The following PCDH11X variants were observed in gnomAD, a reference collection of about 807,000 sequenced individuals.
The protein encoded by PCDH11X is protocadherin-11 X-linked.
A neutral mutation model predicts 53.3 loss-of-function variants in PCDH11X; 18 were observed. The ratio of observed to expected loss-of-function variants is 0.34; its 90% confidence interval spans 0.23 to 0.50. PCDH11X has a LOEUF of 0.50. Among genes scored for constraint, PCDH11X ranks in the 20% least tolerant of loss-of-function variants. The pLI is 0.98. For synonymous variants in PCDH11X, 279 were observed against 393.3 expected, an observed-to-expected ratio of 0.71 and a Z score of 3.44; for missense variants, 570 against 1,032.4, an observed-to-expected ratio of 0.55 and a Z score of 6.14.
At chrX:92,523,229 A>C (rs1252113177) in intron 10 of PCDH11X, among the ~76,000 whole-genome samples, 4 of 111,813 alleles carry the variant, frequency 3.6e-5, no homozygotes, top group African/African-American at 9.7e-5. Context: ...GATATTTATT[A>C]GTTTGGATGA....
At chrX:92,475,183 A>G (rs1411412044) in intron 10 of PCDH11X, among the ~76,000 whole-genome samples, 2 of 100,770 alleles carry the variant, frequency 2.0e-5, no homozygotes, top group African/African-American at 3.5e-5. Flanking sequence ...AAAAAAAAAA[A>G]AAAAAAAAAA....
Position 92,619,187 on chromosome X carries a change from T to C in PCDH11X, c.*247T>C. The stretch of plus-strand genomic sequence containing the variant: ...TTGCATCCCCTTGTACAGTAAGGCT[T>C]ATCATGACAGAGCGCACTATTTCTG... On this transcript the variant is annotated 3_prime_UTR_variant, in exon 11 of 11. Coordinates refer to ENST00000682573, the MANE Select transcript of PCDH11X (RefSeq NM_032968.5). 1 of 424,042 alleles carries C rather than the reference T, an allele frequency of 2.4e-6. No homozygotes were observed. Among genetic ancestry groups the C allele is most frequent in the Non-Finnish European group, 4.1e-6 (1 of 244,035 alleles). The allele number at this position is 424,042 out of a possible 1,213,427, so 34.9% of individuals were successfully genotyped here.
In PCDH11X at chrX:92,020,843, T is replaced by G. The variant is rs2062872884; in HGVS notation, c.3033+141570T>G. ...GTCAGAGATCCCAGAGGGAGGAGCA[T>G]GCACCCATCTTTGCTGTTCTCCAGC... On this transcript the variant is annotated intron_variant, in intron 6 of 10. Transcript: ENST00000682573. Among the ~76,000 whole-genome samples, 2 of 111,094 alleles carry G rather than the reference T, an allele frequency of 1.8e-5. 1 individual carries two copies. Among genetic ancestry groups the G allele is most frequent in the Admixed American group, 1.9e-4 (2 of 10,490 alleles).
rs189319645 is a variant in PCDH11X at position 91,995,860 on chromosome X, T to G, written c.3033+116587T>G. On this transcript the variant is annotated intron_variant, in intron 6 of 10. Coordinates refer to ENST00000682573, the MANE Select transcript of PCDH11X (RefSeq NM_032968.5). ...TGTATTATCTTCTTTTTGTTTTTTT[T>G]TTTTTTTGAGGCCGAGTCTCGCTCT... Among the ~76,000 whole-genome samples the G allele has an allele frequency of 2.6e-3, 275 of 107,372 alleles. 2 individuals are homozygous for G. The highest frequency in any genetic ancestry group is 9.1e-3 in the African/African-American group (267 of 29,433). 93.2% of individuals were successfully genotyped at this position (107,372 alleles called of 115,157 possible). A position where few individuals can be genotyped will look rare whatever the true frequency, so the allele number is the denominator to read the frequency against.
intron 8 of PCDH11X, among the ~76,000 whole-genome samples, chrX:92,298,501 G>C (rs12688175): frequency 0.13 from 14,851 of 111,321 alleles, 1,448 homozygotes; most frequent in East Asian, 0.37. Flanking sequence ...AAGTCTATTT[G>C]ATCATGGTGA....
chrX:91,873,473 AT>A (rs1239277080), intron 5 of PCDH11X, among the ~76,000 whole-genome samples: 1 of 111,626 alleles, frequency 9.0e-6, no homozygotes, highest in Non-Finnish European at 1.9e-5. Context: ...ATTAACTAAT[AT>A]GTACATTTCA....
At position 92,148,012 on chromosome X, in the gene PCDH11X, TTTCC is replaced by T. The variant is rs749321135; in HGVS notation, c.3034-53348_3034-53345del. Reference sequence around the variant, plus strand: ...TTCTTTCTTTCTTTCTTTCTTTTTCTTTCCTTCCTTCCTTCCTTTCCTTCTTTCC... The same window carrying T: ...TTCTTTCTTTCTTTCTTTCTTTTTCTTTCCTTCCTTCCTTTCCTTCTTTCC... On this transcript the variant is annotated intron_variant, in intron 6 of 10. Transcript: ENST00000682573. Among the ~76,000 whole-genome samples, 141 of 85,149 alleles carry T rather than the reference TTTCC, an allele frequency of 1.7e-3. 2 individuals carry two copies. The highest frequency in any genetic ancestry group is 6.7e-3 in the African/African-American group (136 of 20,253). 73.9% of individuals were successfully genotyped at this position (85,149 alleles called of 115,157 possible). A position where few individuals can be genotyped will look rare whatever the true frequency, so the allele number is the denominator to read the frequency against.
rs116292065 is a variant in PCDH11X, at chrX:91,970,789, A to T, written c.3033+91516A>T. Among the ~76,000 whole-genome samples the T allele has an allele frequency of 5.0e-3, 557 of 111,924 alleles. 2 individuals are homozygous for T. The highest frequency in any genetic ancestry group is 8.8e-3 in the Non-Finnish European group (467 of 53,234). On this transcript the variant is annotated intron_variant, in intron 6 of 10. Transcript: ENST00000682573. ...CAACAGGAAAATATTCAGGTTCCGC[A>T]TCTAAAAATTAAGATATAGTGATAC...
At chrX:92,152,840 C>T (rs1262961244) in intron 6 of PCDH11X, among the ~76,000 whole-genome samples, 1 of 110,735 alleles carries the variant, frequency 9.0e-6, no homozygotes. Context: ...CTCTGTCGCC[C>T]AGGCTGGAGT....
intron 8 of PCDH11X, among the ~76,000 whole-genome samples, chrX:92,320,651 C>T (rs1312371049): frequency 9.0e-6 from 1 of 110,736 alleles, no homozygotes; most frequent in Non-Finnish European, 1.9e-5. Flanking sequence ...CTTGTATACT[C>T]ACGTTAATTA....
intron 6 of PCDH11X, among the ~76,000 whole-genome samples, chrX:91,922,643 T>C (rs1288500469): frequency 8.9e-6 from 1 of 112,295 alleles, no homozygotes; most frequent in Non-Finnish European, 1.9e-5. Context: ...TTGTGAACTG[T>C]GCATGCGAGG....
intron 10 of PCDH11X, among the ~76,000 whole-genome samples, chrX:92,595,934 C>T (rs1044481554): frequency 2.3e-4 from 24 of 104,009 alleles, no homozygotes; most frequent in Non-Finnish European, 4.1e-4. Flanking sequence ...AAAACTGCCT[C>T]TTATTAAAAT....
chrX:92,349,489 A>C (rs2069988771), intron 8 of PCDH11X, among the ~76,000 whole-genome samples: 1 of 102,312 alleles, frequency 9.8e-6, no homozygotes, highest in African/African-American at 3.7e-5. Context: ...AGATCACACC[A>C]CTCTTCTGCT....
intron 10 of PCDH11X, among the ~76,000 whole-genome samples, chrX:92,535,042 C>A (rs1414242917): frequency 3.6e-5 from 4 of 111,811 alleles, no homozygotes; most frequent in African/African-American, 1.3e-4. Flanking sequence ...GGTAAGGTTG[C>A]AGAGAAAAGC....
chrX:92,599,055 G>A (rs1448005540), intron 10 of PCDH11X, among the ~76,000 whole-genome samples: 1 of 111,363 alleles, frequency 9.0e-6, no homozygotes, highest in African/African-American at 3.3e-5. Context: ...AGTAGAGAAA[G>A]TGAGTGGGTG....
chrX:92,121,436 G>A (rs1345540821), intron 6 of PCDH11X, among the ~76,000 whole-genome samples: 1 of 111,879 alleles, frequency 8.9e-6, no homozygotes, highest in African/African-American at 3.2e-5. Context: ...GATTACAGGC[G>A]TGAGCCACCA....
chrX:91,957,448 C>CT (rs1178735970), intron 6 of PCDH11X, among the ~76,000 whole-genome samples: 1 of 110,268 alleles, frequency 9.1e-6, no homozygotes, highest in African/African-American at 3.4e-5. Context: ...TTTGTGGGGT[C>CT]TTTTTTGTTG....
chrX:92,340,061 G>A (rs998675537), intron 8 of PCDH11X, among the ~76,000 whole-genome samples: 19 of 111,509 alleles, frequency 1.7e-4, no homozygotes, highest in East Asian at 2.8e-4. Context: ...AAGAGAAATC[G>A]GCCAAAGAAT....
intron 6 of PCDH11X, among the ~76,000 whole-genome samples, chrX:92,019,528 A>G (rs369527643): frequency 2.3e-4 from 26 of 112,263 alleles, no homozygotes; most frequent in African/African-American, 8.1e-4. Flanking sequence ...CCATAGCACA[A>G]TTAAATCAGG....
Sources: allele counts gnomAD v4.1 joint callset (sites outside exome capture counted in the v4.1 genomes callset), GRCh38; gene constraint gnomAD v4.1.1; transcripts MANE v1.5; gene names NCBI Gene and HGNC (gene_info 2026-07-23, HGNC 2026-07-21).